PCBP3: variants seen among roughly 807,000 people sequenced by gnomAD.
PCBP3 encodes the protein poly(rC)-binding protein 3.
Under a neutral mutation model 52.7 loss-of-function variants are expected in PCBP3, and 25 were observed. That is an observed-to-expected ratio of 0.47 (90% CI 0.35 to 0.66). The LOEUF (loss-of-function observed/expected upper bound fraction) is 0.66, where lower values mean the gene tolerates loss of function less well. PCBP3 is among the 30% of genes least tolerant of loss of function. PCBP3 has a pLI of 0.01. For synonymous variants in PCBP3, 162 were observed against 183.0 expected, an observed-to-expected ratio of 0.89 and a Z score of 0.93; for missense variants, 391 against 490.3, an observed-to-expected ratio of 0.80 and a Z score of 1.91.
intron 5 of PCBP3, among the ~76,000 whole-genome samples, chr21:45,860,624 G>A (rs375792571): frequency 4.5e-4 from 68 of 152,312 alleles, no homozygotes; most frequent in Middle Eastern, 3.4e-3. Context: ...GAGGGACACC[G>A]AAGCCCACCT....
At chr21:45,688,882 C>A (rs1041734749) in intron 2 of PCBP3, among the ~76,000 whole-genome samples, 3 of 150,398 alleles carry the variant, frequency 2.0e-5, no homozygotes, top group Non-Finnish European at 4.4e-5. Flanking sequence ...AAAACAACAA[C>A]AAAAACAAAT....
chr21:45,808,516 G>A (rs531695276), intron 4 of PCBP3, among the ~76,000 whole-genome samples: 194 of 152,252 alleles, frequency 1.3e-3, no homozygotes, highest in African/African-American at 4.6e-3. Context: ...TTAGAATGGC[G>A]ATCATTAAAA....
intron 5 of PCBP3, among the ~76,000 whole-genome samples, chr21:45,854,857 C>CT (rs1477824653): frequency 2.0e-5 from 3 of 152,214 alleles, no homozygotes; most frequent in Non-Finnish European, 4.4e-5. Context: ...GCACTCCGAG[C>CT]CTCTGCCCCG....
chr21:45,855,865 C>T (rs1412016266), intron 5 of PCBP3, among the ~76,000 whole-genome samples: 5 of 152,206 alleles, frequency 3.3e-5, no homozygotes, highest in Non-Finnish European at 4.4e-5. Context: ...AAACTCTGAC[C>T]TTTTTCCTCT....
At chr21:45,930,428 A>C (rs1487660183) in intron 14 of PCBP3, among the ~76,000 whole-genome samples, 1 of 152,154 alleles carries the variant, frequency 6.6e-6, no homozygotes, top group Admixed American at 6.5e-5. Flanking sequence ...GCGTATCCCA[A>C]GGTGGCACCC....
At chr21:45,658,079 C>T (rs2080134956) in intron 1 of PCBP3, among the ~76,000 whole-genome samples, 2 of 152,150 alleles carry the variant, frequency 1.3e-5, no homozygotes, top group South Asian at 4.1e-4. Flanking sequence ...AGGAATTTCC[C>T]TTCTATCCCT....
chr21:45,905,388 G>A (rs747589025), intron 9 of PCBP3, among the ~76,000 whole-genome samples: 3 of 152,178 alleles, frequency 2.0e-5, no homozygotes, highest in Admixed American at 1.3e-4. Flanking sequence ...AGCATCCACC[G>A]CCATGGGCCC....
intron 2 of PCBP3, among the ~76,000 whole-genome samples, chr21:45,709,562 T>C (rs984595322): frequency 3.9e-5 from 6 of 152,150 alleles, no homozygotes; most frequent in African/African-American, 1.2e-4. Context: ...CCTTTTTTTT[T>C]TCTTTAATTG....
At chr21:45,721,506 T>C (rs534817963) in intron 2 of PCBP3, among the ~76,000 whole-genome samples, 54 of 152,278 alleles carry the variant, frequency 3.5e-4, no homozygotes, top group African/African-American at 1.2e-3. Flanking sequence ...AATAAACCTT[T>C]TGTGGCCTCG....
At chr21:45,936,619 G>C (rs2076924786) in intron 16 of PCBP3, among the ~76,000 whole-genome samples, 1 of 152,182 alleles carries the variant, frequency 6.6e-6, no homozygotes, top group Non-Finnish European at 1.5e-5. Context: ...TCAGCATTTG[G>C]CTTCTGGCAT....
intron 4 of PCBP3, among the ~76,000 whole-genome samples, chr21:45,786,816 A>T (rs2091198428): frequency 6.6e-6 from 1 of 152,224 alleles, no homozygotes; most frequent in Non-Finnish European, 1.5e-5. Context: ...GCTCCTAGGA[A>T]CACAGAATAA....
At chr21:45,657,288 T>C (rs1176316826) in intron 1 of PCBP3, among the ~76,000 whole-genome samples, 1 of 152,228 alleles carries the variant, frequency 6.6e-6, no homozygotes, top group Non-Finnish European at 1.5e-5. Flanking sequence ...TTTTATAGTT[T>C]TAGCTCTGAA....
intron 4 of PCBP3, among the ~76,000 whole-genome samples, chr21:45,847,758 C>A (rs560546820): frequency 3.2e-4 from 48 of 152,342 alleles, no homozygotes; most frequent in African/African-American, 1.1e-3. Flanking sequence ...AGAATTTTCT[C>A]TCAGTTGTAA....
intron 4 of PCBP3, among the ~76,000 whole-genome samples, chr21:45,810,226 G>GTT (rs1268727228): frequency 6.6e-6 from 1 of 151,480 alleles, no homozygotes; most frequent in Non-Finnish European, 1.5e-5. Context: ...TTCTGTGTGT[G>GTT]TGTGTGTGTG....
In PCBP3 at chr21:45,817,211, C is replaced by T. The variant is rs572353895; in HGVS notation, c.-125-32750C>T. 3.9e-5 allele frequency among the ~76,000 whole-genome samples: 6 copies of T among 152,164 alleles called. No homozygotes were observed. ...CTTTGTCAAGGAAAGTCTTCACTATCCCTTCCTCTAGAACTTAACGTTGTC... is the reference window on the plus strand; with the variant it reads ...CTTTGTCAAGGAAAGTCTTCACTATTCCTTCCTCTAGAACTTAACGTTGTC... On this transcript the variant is annotated intron_variant, in intron 4 of 17. Coordinates refer to ENST00000681687, the MANE Select transcript of PCBP3 (RefSeq NM_001384156.1). This position sits in a 1 kb window ranked among gnomAD's most constrained non-coding sequence, Gnocchi z 4.3.
chr21:45,875,128 G>A (rs1270854637), intron 5 of PCBP3, among the ~76,000 whole-genome samples: 1 of 152,240 alleles, frequency 6.6e-6, no homozygotes, highest in Non-Finnish European at 1.5e-5. Context: ...GGCGTCCAGC[G>A]GCAGCCAGAC....
chr21:45,834,574 C>T (rs1242087668), intron 4 of PCBP3, among the ~76,000 whole-genome samples: 1 of 152,198 alleles, frequency 6.6e-6, no homozygotes, highest in Non-Finnish European at 1.5e-5. Context: ...CAGCCCTGCT[C>T]TCCCCAGGCC....
At chr21:45,877,872 C>T (rs555534400) in intron 5 of PCBP3, among the ~76,000 whole-genome samples, 3 of 152,338 alleles carry the variant, frequency 2.0e-5, no homozygotes, top group Admixed American at 2.0e-4. Flanking sequence ...TCCCACTGAG[C>T]ACAGCTGGGA....
intron 5 of PCBP3, among the ~76,000 whole-genome samples, chr21:45,883,128 T>C (rs2095440686): frequency 6.6e-6 from 1 of 152,242 alleles, no homozygotes; most frequent in East Asian, 1.9e-4. Context: ...TGTTTTTTGA[T>C]GTTCCTTGAG....
Sources: allele counts gnomAD v4.1 joint callset (sites outside exome capture counted in the v4.1 genomes callset), GRCh38; gene constraint gnomAD v4.1.1; non-coding constraint Gnocchi (gnomAD v3.1); transcripts MANE v1.5; gene names NCBI Gene and HGNC (gene_info 2026-07-23, HGNC 2026-07-21).